The following OXCT1 variants were observed in gnomAD, a reference collection of about 807,000 sequenced individuals.
OXCT1 encodes succinyl-CoA:3-ketoacid coenzyme A transferase 1, mitochondrial.
Under a neutral mutation model 69.6 loss-of-function variants are expected in OXCT1, and 27 were observed. The ratio of observed to expected loss-of-function variants is 0.39; its 90% confidence interval spans 0.29 to 0.54. The LOEUF (loss-of-function observed/expected upper bound fraction) is 0.54. Among genes scored for constraint, OXCT1 ranks in the 20% least tolerant of loss-of-function variants. OXCT1 has a pLI of 0.72. For missense variants in OXCT1, 437 were observed against 650.2 expected (o/e 0.67, Z 3.57); for synonymous variants, 202 against 217.8 (o/e 0.93, Z 0.64).
chr5:41,798,166 G>T (rs1422254406), intron 11 of OXCT1, among the ~76,000 whole-genome samples: 1 of 152,132 alleles, frequency 6.6e-6, no homozygotes, highest in African/African-American at 2.4e-5. Context: ...GACATGCAAA[G>T]AAGAGTATGA....
chr5:41,750,373 C>T (rs568813099), intron 14 of OXCT1, among the ~76,000 whole-genome samples: 1 of 152,022 alleles, frequency 6.6e-6, no homozygotes, highest in East Asian at 1.9e-4. Flanking sequence ...CAATGTAGAA[C>T]TGGCCTCTGA....
chr5:41,850,949 G>A (rs535245806), intron 4 of OXCT1, among the ~76,000 whole-genome samples: 54 of 152,132 alleles, frequency 3.5e-4, no homozygotes, highest in African/African-American at 1.2e-3. Context: ...TAACCTTGAC[G>A]CCTACTGTGA....
intron 15 of OXCT1, among the ~76,000 whole-genome samples, chr5:41,743,987 T>A (rs1006882396): frequency 6.6e-6 from 1 of 152,120 alleles, no homozygotes; most frequent in Non-Finnish European, 1.5e-5. Context: ...CCATATGAAC[T>A]TTAAAGTAGT....
chr5:41,779,357 A>G (rs545904904), intron 13 of OXCT1, among the ~76,000 whole-genome samples: 14 of 152,318 alleles, frequency 9.2e-5, no homozygotes, highest in Admixed American at 3.3e-4. Flanking sequence ...TGAATTAAAC[A>G]AAATTAGAAA....
Position 41,812,551 on chromosome 5 carries a change from T to C in OXCT1, c.733-5113A>G, listed in dbSNP as rs940934409. Among the ~76,000 whole-genome samples the C allele has an allele frequency of 2.0e-5, 3 of 152,008 alleles. No homozygotes were observed. The East Asian group carries it at 5.8e-4, about 30-fold the overall frequency. On this transcript the variant is annotated intron_variant, in intron 7 of 16. Coordinates refer to ENST00000196371, the MANE Select transcript of OXCT1 (RefSeq NM_000436.4). The stretch of plus-strand genomic sequence containing the variant: ...AGACCTTAAGAGGTCTATCAAAAGA[T>C]ACAAAATCAGAATGAGATGAGGACT...
chr5:41,795,040 C>T (rs1402558154), intron 11 of OXCT1, among the ~76,000 whole-genome samples: 3 of 152,124 alleles, frequency 2.0e-5, no homozygotes, highest in African/African-American at 4.8e-5. Context: ...TACCTCAGAC[C>T]GGTTTTATGG....
intron 11 of OXCT1, among the ~76,000 whole-genome samples, chr5:41,800,058 T>C (rs1456654621): frequency 2.0e-5 from 3 of 152,160 alleles, no homozygotes; most frequent in Non-Finnish European, 4.4e-5. Flanking sequence ...GGATGACATA[T>C]GGCTCCAAAG....
At chr5:41,780,842 T>A (rs145873174) in intron 13 of OXCT1, among the ~76,000 whole-genome samples, 323 of 152,224 alleles carry the variant, frequency 2.1e-3, no homozygotes, top group African/African-American at 7.4e-3. Flanking sequence ...CTCATTTAAT[T>A]CTTCCCAAAC....
At chr5:41,755,352 T>C (rs1744009582) in intron 14 of OXCT1, among the ~76,000 whole-genome samples, 3 of 152,206 alleles carry the variant, frequency 2.0e-5, no homozygotes, top group African/African-American at 7.2e-5. Context: ...TAAGGATTTA[T>C]AGTTTTTAAA....
chr5:41,865,609 A>T (rs996803014), intron 1 of OXCT1, among the ~76,000 whole-genome samples: 3 of 152,232 alleles, frequency 2.0e-5, no homozygotes, highest in African/African-American at 4.8e-5. Context: ...TTTAGGAGAT[A>T]GTGTGCCATA....
intron 5 of OXCT1, among the ~76,000 whole-genome samples, chr5:41,844,056 T>C (rs1018932661): frequency 3.0e-4 from 45 of 152,232 alleles, no homozygotes; most frequent in African/African-American, 1.1e-3. Flanking sequence ...GGTAAATATA[T>C]GCAAATGCAA....
At chr5:41,825,170 C>T (rs1164787695) in intron 7 of OXCT1, among the ~76,000 whole-genome samples, 1 of 152,164 alleles carries the variant, frequency 6.6e-6, no homozygotes, top group African/African-American at 2.4e-5. Flanking sequence ...GGCAGAAACA[C>T]TGTATATTAT....
At chr5:41,746,994 C>G (rs1743525268) in intron 15 of OXCT1, among the ~76,000 whole-genome samples, 1 of 152,132 alleles carries the variant, frequency 6.6e-6, no homozygotes, top group Non-Finnish European at 1.5e-5. Flanking sequence ...TTGCCTAGGT[C>G]TATGAATCCT....
chr5:41,800,204 G>A (rs1192064863), intron 11 of OXCT1, among the ~76,000 whole-genome samples: 1 of 152,044 alleles, frequency 6.6e-6, no homozygotes, highest in Non-Finnish European at 1.5e-5. Context: ...TAAAGCATAT[G>A]CCTGTAAGAA....
At chr5:41,809,459 C>A (rs1746856224) in intron 7 of OXCT1, among the ~76,000 whole-genome samples, 1 of 151,946 alleles carries the variant, frequency 6.6e-6, no homozygotes, top group South Asian at 2.1e-4. Flanking sequence ...TAAAAGCAGT[C>A]ACATTATGAA....
chr5:41,835,330 A>C (rs1191318641), intron 7 of OXCT1, among the ~76,000 whole-genome samples: 2 of 152,262 alleles, frequency 1.3e-5, no homozygotes. Context: ...CCTACTATGT[A>C]TCCACAAAAA....
At chr5:41,744,749 C>CA (rs1743380450) in intron 15 of OXCT1, among the ~76,000 whole-genome samples, 2 of 151,058 alleles carry the variant, frequency 1.3e-5, no homozygotes, top group Non-Finnish European at 3.0e-5. Context: ...TTGGTTCTGA[C>CA]AAAAAAAGGC....
intron 13 of OXCT1, among the ~76,000 whole-genome samples, chr5:41,790,043 A>AG (rs1182059218): frequency 2.0e-5 from 3 of 152,262 alleles, no homozygotes; most frequent in Admixed American, 2.0e-4. Flanking sequence ...GAAAAATGTG[A>AG]GGGAGAAAAG....
chr5:41,822,680 A>G (rs547239931), intron 7 of OXCT1, among the ~76,000 whole-genome samples: 2 of 152,114 alleles, frequency 1.3e-5, no homozygotes, highest in East Asian at 3.9e-4. Flanking sequence ...CACCATGTTC[A>G]TCAGGCTGCT....
Sources: gnomAD v4.1 joint callset for allele counts (sites outside exome capture counted in the v4.1 genomes callset) on GRCh38, gnomAD v4.1.1 for gene constraint, MANE v1.5 for transcripts, NCBI Gene and HGNC (gene_info 2026-07-23, HGNC 2026-07-21) for gene names.